The following AGBL4 variants were observed in gnomAD, a reference collection of about 807,000 sequenced individuals.
AGBL4 encodes the protein AGBL carboxypeptidase 4.
AGBL4 carries 58 observed loss-of-function variants against 66.4 expected under a neutral mutation model. The observed-to-expected ratio is 0.87, with a 90% CI of 0.71 to 1.09. The LOEUF (loss-of-function observed/expected upper bound fraction) is 1.09. Among genes scored for constraint, AGBL4 ranks in the 50% least tolerant of loss-of-function variants. AGBL4 has a pLI of 0.00. For missense variants in AGBL4, 579 were observed against 631.0 expected, an observed-to-expected ratio of 0.92 and a Z score of 0.88; for synonymous variants, 234 against 222.9, an observed-to-expected ratio of 1.05 and a Z score of -0.44.
intron 4 of AGBL4, among the ~76,000 whole-genome samples, chr1:49,215,526 G>A (rs1312174826): frequency 6.6e-6 from 1 of 151,966 alleles, no homozygotes; most frequent in South Asian, 2.1e-4. Flanking sequence ...CATTCTCAGG[G>A]TTCACTTCTG....
chr1:48,577,821 T>G (rs1353772897), intron 11 of AGBL4, among the ~76,000 whole-genome samples: 1 of 152,154 alleles, frequency 6.6e-6, no homozygotes, highest in African/African-American at 2.4e-5. Context: ...AAGGGCTGAC[T>G]GGTAGGTCCC....
At chr1:48,917,520 A>T (rs77684326) in intron 5 of AGBL4, among the ~76,000 whole-genome samples, 13,992 of 152,146 alleles carry the variant, frequency 0.092, 732 homozygotes, top group Non-Finnish European at 0.11. Context: ...ATCTCACAAA[A>T]CTCCCATGAA....
chr1:49,303,214 T>C (rs1475462214), intron 3 of AGBL4, among the ~76,000 whole-genome samples: 3 of 152,170 alleles, frequency 2.0e-5, no homozygotes, highest in Non-Finnish European at 4.4e-5. Flanking sequence ...TTTCTGGTTC[T>C]AGGTCTTTGA....
At chr1:49,878,140 T>G (rs1647083414) in intron 1 of AGBL4, among the ~76,000 whole-genome samples, 1 of 146,542 alleles carries the variant, frequency 6.8e-6, no homozygotes, top group Admixed American at 6.8e-5. Flanking sequence ...TTTGAAGGGT[T>G]TTTTGTGTCT....
chr1:49,824,115 G>A (rs532196222), intron 2 of AGBL4, among the ~76,000 whole-genome samples: 4 of 152,080 alleles, frequency 2.6e-5, no homozygotes, highest in South Asian at 2.1e-4. Flanking sequence ...AGGCTCAGAC[G>A]GGAGAATCGC....
chr1:48,532,031 G>A (rs192809157), downstream of AGBL4, among the ~76,000 whole-genome samples: 251 of 152,158 alleles, frequency 1.6e-3, no homozygotes, highest in African/African-American at 4.1e-3. Flanking sequence ...TGATTCTCCC[G>A]CCTCAGCTTC....
chr1:49,583,334 T>C (rs188244077), intron 3 of AGBL4, among the ~76,000 whole-genome samples: 1 of 152,336 alleles, frequency 6.6e-6, no homozygotes, highest in East Asian at 1.9e-4. Context: ...CTTCCAGACC[T>C]AGTCCTATGT....
At chr1:49,090,125 C>T (rs191218441) in intron 4 of AGBL4, among the ~76,000 whole-genome samples, 1 of 152,130 alleles carries the variant, frequency 6.6e-6, no homozygotes, top group Admixed American at 6.5e-5. Flanking sequence ...AAACCTACAG[C>T]CAACATACTG....
intron 6 of AGBL4, among the ~76,000 whole-genome samples, chr1:48,761,739 ATCCT>A (rs1250502000): frequency 6.6e-6 from 1 of 152,244 alleles, no homozygotes; most frequent in Non-Finnish European, 1.5e-5. Flanking sequence ...CTCTAAGTAC[ATCCT>A]AAAGGGTGGC....
intron 3 of AGBL4, among the ~76,000 whole-genome samples, chr1:49,486,589 C>T (rs533096238): frequency 6.6e-6 from 1 of 151,980 alleles, no homozygotes; most frequent in South Asian, 2.1e-4. Flanking sequence ...CCTATTCAGG[C>T]CTCTCTCTCT....
At chr1:49,734,968 A>C (rs1349662416) in intron 2 of AGBL4, among the ~76,000 whole-genome samples, 1 of 152,126 alleles carries the variant, frequency 6.6e-6, no homozygotes, top group East Asian at 1.9e-4. Flanking sequence ...ATTCTCATCT[A>C]TATAATCAAT....
intron 2 of AGBL4, among the ~76,000 whole-genome samples, chr1:49,721,512 G>A (rs1337529857): frequency 6.6e-6 from 1 of 152,140 alleles, no homozygotes; most frequent in Non-Finnish European, 1.5e-5. Context: ...TAATGCAAGG[G>A]ATATTAGGAC....
At chr1:49,760,249 T>C (rs1035396528) in intron 2 of AGBL4, among the ~76,000 whole-genome samples, 3 of 152,214 alleles carry the variant, frequency 2.0e-5, no homozygotes, top group Admixed American at 2.0e-4. Context: ...TTAGGTTGCC[T>C]GTTCACTCTG....
intron 1 of AGBL4, among the ~76,000 whole-genome samples, chr1:49,912,714 A>G (rs916672400): frequency 6.6e-6 from 1 of 152,186 alleles, no homozygotes. Flanking sequence ...CTATAACAGA[A>G]TACCACAGAC....
intron 3 of AGBL4, among the ~76,000 whole-genome samples, chr1:49,545,609 T>G (rs1358824393): frequency 6.6e-6 from 1 of 152,198 alleles, no homozygotes; most frequent in African/African-American, 2.4e-5. Context: ...CTCTGATCTC[T>G]GTGACTCAAA....
intron 2 of AGBL4, among the ~76,000 whole-genome samples, chr1:49,755,607 C>A (rs11803552): frequency 2.0e-5 from 3 of 152,192 alleles, no homozygotes; most frequent in South Asian, 4.1e-4. Context: ...CACACACACA[C>A]AAAAAATCTC....
rs547039693 is a variant in AGBL4, at chr1:49,465,163, A to C, written c.283-219299T>G. ...CCTATTCTGTCATTTCATGTAGGGAAACAATAATCTCCCAACCCTGACTGT... is the reference window on the plus strand; with the variant it reads ...CCTATTCTGTCATTTCATGTAGGGACACAATAATCTCCCAACCCTGACTGT... On this transcript the variant is annotated intron_variant, in intron 3 of 13. Coordinates refer to ENST00000371839, the MANE Select transcript of AGBL4 (RefSeq NM_032785.4). Among the ~76,000 whole-genome samples, 89 of 149,300 alleles carry C rather than the reference A, an allele frequency of 6.0e-4. 1 individual carries two copies. Among genetic ancestry groups the C allele is most frequent in the Non-Finnish European group, 1.1e-3 (74 of 67,328 alleles).
At chr1:48,880,838 T>C (rs866896338) in intron 5 of AGBL4, among the ~76,000 whole-genome samples, 4 of 152,342 alleles carry the variant, frequency 2.6e-5, no homozygotes, top group Middle Eastern at 3.4e-3. Context: ...ATGGCATTAA[T>C]ATGATGTTGT....
At chr1:49,700,021 A>C (rs1647057477) in intron 2 of AGBL4, among the ~76,000 whole-genome samples, 1 of 151,750 alleles carries the variant, frequency 6.6e-6, no homozygotes, top group South Asian at 2.1e-4. Context: ...ATATATATAA[A>C]ATAAAATAAT....
Sources: gnomAD v4.1 joint callset for allele counts (sites outside exome capture counted in the v4.1 genomes callset) on GRCh38, gnomAD v4.1.1 for gene constraint, MANE v1.5 for transcripts, NCBI Gene and HGNC (gene_info 2026-07-23, HGNC 2026-07-21) for gene names.